The following ARID1B variants were observed in gnomAD, a reference collection of about 807,000 sequenced individuals.
The protein encoded by ARID1B is AT-rich interaction domain 1B.
ARID1B carries 30 observed loss-of-function variants against 212.3 expected under a neutral mutation model. The observed-to-expected ratio is 0.14, with a 90% CI of 0.11 to 0.19. The LOEUF is 0.19. Among genes scored for constraint, ARID1B ranks in the 10% least tolerant of loss-of-function variants. ARID1B has a pLI of 1.00. For missense variants in ARID1B, 2,891 were observed against 3,204.0 expected (o/e 0.90, Z 2.36); for synonymous variants, 1,402 against 1,301.7 (o/e 1.08, Z -1.66).
At chr6:157,041,540 T>C (rs768692782) in intron 4 of ARID1B, among the ~76,000 whole-genome samples, 18 of 152,214 alleles carry the variant, frequency 1.2e-4, no homozygotes, top group Non-Finnish European at 2.6e-4. Context: ...ACTGTGAATG[T>C]TCTTCATCTT....
intron 6 of ARID1B, among the ~76,000 whole-genome samples, chr6:157,126,126 G>A (rs12529385): frequency 0.049 from 7,490 of 152,190 alleles, 264 homozygotes; most frequent in Non-Finnish European, 0.079. Flanking sequence ...AGAACCCCGC[G>A]CAGTGACTAA....
chr6:156,883,619 C>T (rs1004125079), intron 2 of ARID1B, among the ~76,000 whole-genome samples: 3 of 152,170 alleles, frequency 2.0e-5, no homozygotes, highest in African/African-American at 7.2e-5. Flanking sequence ...GGCCCACGCT[C>T]CCCACAGCAT....
intron 4 of ARID1B, among the ~76,000 whole-genome samples, chr6:157,000,696 C>CTTTTTTTTTTTTTTTTTTTTTTTT (rs10536002): frequency 2.0e-5 from 2 of 99,210 alleles, no homozygotes; most frequent in African/African-American, 4.0e-5. Flanking sequence ...TCTAATTATT[C>CTTTTTTTTTTTTTTTTTTTTTTTT]TTTTTTTTTT....
intron 1 of ARID1B, among the ~76,000 whole-genome samples, chr6:156,807,536 G>A (rs1225412155): frequency 2.0e-5 from 3 of 151,848 alleles, no homozygotes; most frequent in Non-Finnish European, 4.4e-5. Context: ...TGGCAAAAAC[G>A]TGTATGTTGA....
At chr6:156,882,493 G>T (rs1787178337) in intron 2 of ARID1B, among the ~76,000 whole-genome samples, 1 of 152,258 alleles carries the variant, frequency 6.6e-6, no homozygotes, top group Middle Eastern at 3.4e-3. Context: ...AAATATAGAG[G>T]TGTTTGAAAT....
At chr6:157,181,229 C>T (rs1792506929) in intron 12 of ARID1B, 51 bp downstream of exon 12, 1 of 1,583,232 alleles carries the variant, frequency 6.3e-7, no homozygotes, top group Non-Finnish European at 8.7e-7. Flanking sequence ...TGGATAAGTT[C>T]TTACAGTGGC....
chr6:156,830,155 A>G (rs1783046886), intron 2 of ARID1B, among the ~76,000 whole-genome samples: 1 of 152,036 alleles, frequency 6.6e-6, no homozygotes, highest in Admixed American at 6.6e-5. Flanking sequence ...GGCTGGAGGG[A>G]GGATGAAATT....
At chr6:157,028,234 A>C (rs1780785848) in intron 4 of ARID1B, among the ~76,000 whole-genome samples, 1 of 152,218 alleles carries the variant, frequency 6.6e-6, no homozygotes, top group Non-Finnish European at 1.5e-5. Flanking sequence ...TAGTGCTCAT[A>C]TGTTTTTTAA....
intron 7 of ARID1B, among the ~76,000 whole-genome samples, chr6:157,134,391 A>G (rs1562646504): frequency 6.6e-6 from 1 of 152,172 alleles, no homozygotes. Context: ...GCTTTGTTAT[A>G]TTTACTTTCC....
chr6:156,950,760 C>T (rs796251827), intron 4 of ARID1B, among the ~76,000 whole-genome samples: 3 of 152,240 alleles, frequency 2.0e-5, no homozygotes, highest in African/African-American at 7.2e-5. Context: ...TTTACCGTTG[C>T]AAATAGATTA....
In ARID1B at chr6:156,778,292, ACAGCAGCAGCAG is replaced by A; in HGVS notation, c.624_635del (p.Gln211_Gln214del). On this transcript the variant is annotated inframe_deletion, in exon 1 of 20. Coordinates refer to ENST00000636930, the MANE Select transcript of ARID1B (RefSeq NM_001374828.1). ...TCCAGCAGCAGCAGCAGCAGCAGCA[ACAGCAGCAGCAG>A]CAGCAGCAGCAACAGCAACATCCCA... 1.6e-5 allele frequency: 25 copies of A among 1,518,318 alleles called. No individual in the cohort carries two copies. The highest frequency in any genetic ancestry group is 2.5e-5 in the East Asian group (1 of 39,720). The allele number at this position is 1,518,318 out of a possible 1,614,324, so 94.1% of individuals were successfully genotyped here. A position where few individuals can be genotyped will look rare whatever the true frequency, so the allele number is the denominator to read the frequency against.
chr6:157,061,446 C>A (rs971913050), intron 4 of ARID1B, among the ~76,000 whole-genome samples: 2 of 152,014 alleles, frequency 1.3e-5, no homozygotes, highest in Non-Finnish European at 2.9e-5. Context: ...GAGAATGGAA[C>A]AGAAGAACCA....
intron 1 of ARID1B, among the ~76,000 whole-genome samples, chr6:156,815,219 T>C (rs1449209009): frequency 6.6e-6 from 1 of 152,208 alleles, no homozygotes; most frequent in Non-Finnish European, 1.5e-5. Flanking sequence ...TCTTTTTATC[T>C]TGATATAGAC....
intron 1 of ARID1B, among the ~76,000 whole-genome samples, chr6:156,798,018 G>A (rs772749038): frequency 1.3e-5 from 2 of 152,234 alleles, no homozygotes; most frequent in Non-Finnish European, 2.9e-5. Context: ...TGGTCATTTC[G>A]TCACTGGTGA....
chr6:156,929,804 T>C (rs566301982), intron 3 of ARID1B, among the ~76,000 whole-genome samples: 7 of 152,302 alleles, frequency 4.6e-5, no homozygotes, highest in Non-Finnish European at 7.4e-5. Context: ...GCCTCCTCAC[T>C]GACCTCTTAC....
At chr6:156,816,690 A>G (rs1010979702) in intron 1 of ARID1B, among the ~76,000 whole-genome samples, 2 of 152,192 alleles carry the variant, frequency 1.3e-5, no homozygotes, top group South Asian at 4.1e-4. Context: ...TGCTGGGTAC[A>G]GAGTGTTCTA....
Position 157,189,626 on chromosome 6 carries a change from G to T in ARID1B, c.3920-16G>T. The T allele has an allele frequency of 1.9e-6, 3 of 1,593,708 alleles. No homozygotes were observed. The highest frequency in any genetic ancestry group is 2.6e-6 in the Non-Finnish European group (3 of 1,174,940). Reference sequence around the variant, plus strand: ...TCTGGATTTCTTCCTGTTTCTCTTGGTGCTGCTACTATCAGCTAACTCGGG... The same window carrying T: ...TCTGGATTTCTTCCTGTTTCTCTTGTTGCTGCTACTATCAGCTAACTCGGG... On this transcript the variant is annotated splice_polypyrimidine_tract_variant and intron_variant, in intron 13 of 19. Coordinates refer to ENST00000636930, the MANE Select transcript of ARID1B (RefSeq NM_001374828.1).
intron 15 of ARID1B, 48 bp from the exon 16 acceptor site, chr6:157,196,117 G>T: frequency 6.3e-7 from 1 of 1,598,880 alleles, no homozygotes; most frequent in South Asian, 1.1e-5. Context: ...ATGGGCCTTT[G>T]ACTTTCAGAA....
At chr6:157,022,222 C>G in intron 4 of ARID1B, 1 of 152,508 alleles carries the variant, frequency 6.6e-6, no homozygotes, top group African/African-American at 2.4e-5. Flanking sequence ...GGCAGGCCGC[C>G]GCCATTGGCT....
Sources: allele counts gnomAD v4.1 joint callset (sites outside exome capture counted in the v4.1 genomes callset), GRCh38; gene constraint gnomAD v4.1.1; transcripts MANE v1.5; gene names NCBI Gene and HGNC (gene_info 2026-07-23, HGNC 2026-07-21).